PRICKLE2: variants seen among roughly 807,000 people sequenced by gnomAD.
The protein encoded by PRICKLE2 is prickle-like protein 2.
A neutral mutation model predicts 81.4 loss-of-function variants in PRICKLE2; 21 were observed. That is an observed-to-expected ratio of 0.26 (90% CI 0.18 to 0.37). The LOEUF (loss-of-function observed/expected upper bound fraction) is 0.37. Ranked by LOEUF, PRICKLE2 falls within the 10% of genes least tolerant of loss-of-function variation. The pLI, the probability that PRICKLE2 is intolerant of heterozygous loss-of-function variation, is 1.00. For missense variants in PRICKLE2, 940 were observed against 1,109.0 expected (o/e 0.85, Z 2.16); for synonymous variants, 456 against 421.5 (o/e 1.08, Z -1.00).
At chr3:64,142,182 C>T (rs972607918) in intron 7 of PRICKLE2, among the ~76,000 whole-genome samples, 2 of 152,118 alleles carry the variant, frequency 1.3e-5, no homozygotes, top group African/African-American at 4.8e-5. Context: ...CATCTTTCTT[C>T]TGACACTGTC....
intron 6 of PRICKLE2, among the ~76,000 whole-genome samples, chr3:64,150,742 C>CA (rs1411505688): frequency 6.6e-6 from 1 of 152,170 alleles, no homozygotes; most frequent in Non-Finnish European, 1.5e-5. Context: ...CAAGCTTTGG[C>CA]AAGCACACAT....
At chr3:64,235,118 T>C (rs543173366) in intron 2 of PRICKLE2, among the ~76,000 whole-genome samples, 3 of 152,354 alleles carry the variant, frequency 2.0e-5, no homozygotes, top group Non-Finnish European at 4.4e-5. Flanking sequence ...CCTTCAAATC[T>C]GCCAATATTT....
intron 2 of PRICKLE2, 77 bp from the exon 3 acceptor site, chr3:64,163,206 TTC>T: frequency 1.1e-6 from 1 of 883,234 alleles, no homozygotes; most frequent in Non-Finnish European, 1.9e-6. Context: ...GGGAAGATGA[TTC>T]CCCCAGCAGG....
chr3:64,129,627 T>G (rs2077169570), intron 7 of PRICKLE2, among the ~76,000 whole-genome samples: 1 of 152,084 alleles, frequency 6.6e-6, no homozygotes, highest in Admixed American at 6.6e-5. Flanking sequence ...TGCTTCTACC[T>G]GGAGTGACAG....
intron 2 of PRICKLE2, among the ~76,000 whole-genome samples, chr3:64,238,980 C>T (rs2079222134): frequency 6.6e-6 from 1 of 152,178 alleles, no homozygotes; most frequent in Admixed American, 6.5e-5. Flanking sequence ...AGTTTTCAGG[C>T]TGCCTGTTTA....
At chr3:64,126,239 C>CCAA (rs2077105322) in intron 7 of PRICKLE2, among the ~76,000 whole-genome samples, 1 of 152,068 alleles carries the variant, frequency 6.6e-6, no homozygotes, top group East Asian at 1.9e-4. Flanking sequence ...AATTTTTAGC[C>CCAA]CAATATTTAT....
At chr3:64,106,472 T>C (rs1005395119) in intron 7 of PRICKLE2, among the ~76,000 whole-genome samples, 5 of 152,218 alleles carry the variant, frequency 3.3e-5, no homozygotes, top group African/African-American at 7.2e-5. Context: ...ACAAATATCA[T>C]TGAATGCATG....
intron 2 of PRICKLE2, among the ~76,000 whole-genome samples, chr3:64,249,832 G>T (rs2079419188): frequency 6.6e-6 from 1 of 152,180 alleles, no homozygotes; most frequent in Non-Finnish European, 1.5e-5. Context: ...AATAAGTAGT[G>T]CCTAGTATAG....
At chr3:64,189,399 T>C (rs2078292871) in intron 2 of PRICKLE2, among the ~76,000 whole-genome samples, 1 of 152,166 alleles carries the variant, frequency 6.6e-6, no homozygotes, top group Non-Finnish European at 1.5e-5. Flanking sequence ...GCTGTTCCCC[T>C]CCTCCAACTC....
intron 2 of PRICKLE2, among the ~76,000 whole-genome samples, chr3:64,182,131 C>T (rs1440334905): frequency 2.6e-5 from 4 of 152,006 alleles, no homozygotes. Context: ...CCCAATGCAA[C>T]AGTGTTGGGA....
intron 7 of PRICKLE2, chr3:64,146,040 A>G (rs1024370870): frequency 9.9e-5 from 15 of 152,160 alleles, no homozygotes; most frequent in African/African-American, 3.6e-4. Flanking sequence ...CCTTTGGCCA[A>G]CAGGAGCTGC....
chr3:64,218,259 T>C (rs936402135), intron 1 of PRICKLE2, among the ~76,000 whole-genome samples: 6 of 152,240 alleles, frequency 3.9e-5, no homozygotes, highest in Non-Finnish European at 7.3e-5. Flanking sequence ...CCTTAATTTA[T>C]ATAAATCAGA....
chr3:64,231,107 AC>A lies in PRICKLE2; in HGVS notation c.129-32141del, dbSNP rs142445029. 3.4e-3 allele frequency among the ~76,000 whole-genome samples: 524 copies of A among 152,282 alleles called. 7 individuals are homozygous for A. The highest frequency in any genetic ancestry group is 0.012 in the African/African-American group (488 of 41,558). ...TTCCCTATCATCTTAGGAATCTGTCACATTTCATACATTTTAATTATTCTTG... is the reference window on the plus strand; with the variant it reads ...TTCCCTATCATCTTAGGAATCTGTCAATTTCATACATTTTAATTATTCTTG... On this transcript the variant is annotated intron_variant, in intron 2 of 8. Coordinates refer to the PRICKLE2 transcript ENST00000295902.
chr3:64,099,939 G>T lies in PRICKLE2; in HGVS notation c.1661-14C>A. On this transcript the variant is annotated splice_polypyrimidine_tract_variant and intron_variant, in intron 7 of 7. Transcript: ENST00000638394. This position sits in a 1 kb window ranked among gnomAD's most constrained non-coding sequence, Gnocchi z 4.3. ...CAGCAGAGAGGCCTGGGGAAGAGAGGAGGGGACCACAGAGATTAATACAGA... is the reference window on the plus strand; with the variant it reads ...CAGCAGAGAGGCCTGGGGAAGAGAGTAGGGGACCACAGAGATTAATACAGA... 1 of 1,613,728 alleles carries T rather than the reference G, an allele frequency of 6.2e-7. No homozygotes were observed. The highest frequency in any genetic ancestry group is 1.1e-5 in the South Asian group (1 of 91,052).
At chr3:64,265,459 A>G (rs1010562567) in intron 2 of PRICKLE2, among the ~76,000 whole-genome samples, 2 of 152,334 alleles carry the variant, frequency 1.3e-5, no homozygotes, top group Middle Eastern at 3.4e-3. Flanking sequence ...TGATAGTGAT[A>G]GGAAGTGCTT....
chr3:64,236,037 C>T (rs1046965719), intron 2 of PRICKLE2, among the ~76,000 whole-genome samples: 6 of 152,124 alleles, frequency 3.9e-5, no homozygotes, highest in African/African-American at 1.2e-4. Flanking sequence ...TTTAGATTTC[C>T]TTGTGTTTTT....
At chr3:64,196,573 G>A (rs1368768751) in intron 2 of PRICKLE2, among the ~76,000 whole-genome samples, 1 of 152,116 alleles carries the variant, frequency 6.6e-6, no homozygotes, top group Non-Finnish European at 1.5e-5. Flanking sequence ...TAAAACAGAA[G>A]ATATAACCTC....
At chr3:64,196,797 C>T (rs1448093981) in intron 2 of PRICKLE2, among the ~76,000 whole-genome samples, 1 of 152,124 alleles carries the variant, frequency 6.6e-6, no homozygotes, top group South Asian at 2.1e-4. Flanking sequence ...TGTAGAGACT[C>T]GGATGATTCG....
chr3:64,155,793 C>A (rs2077626658), intron 5 of PRICKLE2, among the ~76,000 whole-genome samples: 1 of 152,090 alleles, frequency 6.6e-6, no homozygotes, highest in South Asian at 2.1e-4. Context: ...CATATGATTT[C>A]ACTTATATGA....
Sources: gnomAD v4.1 joint callset for allele counts (sites outside exome capture counted in the v4.1 genomes callset) on GRCh38, gnomAD v4.1.1 for gene constraint, Gnocchi (gnomAD v3.1) non-coding constraint, MANE v1.5 for transcripts, NCBI Gene and HGNC (gene_info 2026-07-23, HGNC 2026-07-21) for gene names.